ITPR2: variants seen among roughly 807,000 people sequenced by gnomAD.
ITPR2 encodes the protein inositol 1,4,5-trisphosphate receptor type 2, also known as inositol 1,4,5-trisphosphate-gated calcium channel ITPR2.
In ITPR2, 207 loss-of-function variants were observed where a neutral mutation model predicts 317.1. That is an observed-to-expected ratio of 0.65 (90% CI 0.58 to 0.73). The LOEUF (loss-of-function observed/expected upper bound fraction) is 0.73. Among genes scored for constraint, ITPR2 ranks in the 30% least tolerant of loss-of-function variants. The probability of loss-of-function intolerance (pLI) is 0.00; values close to 1 mark genes in which losing one functional copy is unlikely to be tolerated. For missense variants in ITPR2, 2,613 were observed against 3,284.0 expected, an observed-to-expected ratio of 0.80 and a Z score of 4.99; for synonymous variants, 1,156 against 1,149.1, an observed-to-expected ratio of 1.01 and a Z score of -0.12.
At chr12:26,468,409 A>G (rs984231043) in intron 45 of ITPR2, among the ~76,000 whole-genome samples, 2 of 152,204 alleles carry the variant, frequency 1.3e-5, no homozygotes, top group African/African-American at 4.8e-5. Flanking sequence ...ATGGACTGCC[A>G]GAATGCTATT....
intron 55 of ITPR2, among the ~76,000 whole-genome samples, chr12:26,373,356 T>C (rs1025549644): frequency 6.6e-6 from 1 of 152,236 alleles, no homozygotes; most frequent in South Asian, 2.1e-4. Flanking sequence ...GCCTACCTAG[T>C]GCATCCAGGA....
intron 36 of ITPR2, among the ~76,000 whole-genome samples, chr12:26,553,642 G>A (rs1186607191): frequency 6.6e-6 from 1 of 152,048 alleles, no homozygotes; most frequent in Non-Finnish European, 1.5e-5. Flanking sequence ...AAAATTAGCT[G>A]GGCTTGGTGG....
Position 26,826,230 on chromosome 12 carries a change from G to GA in ITPR2, c.92+6459dup, listed in dbSNP as rs74261566. On this transcript the variant is annotated intron_variant, in intron 1 of 56. Coordinates refer to ENST00000381340, the MANE Select transcript of ITPR2 (RefSeq NM_002223.4). ...GCAGTGAGCTGTGGTCAAGCCTCAA[G>GA]AAAAAAAAAAAAAGTCCTATTGAGG... Among the ~76,000 whole-genome samples, 179 of 102,652 alleles carry GA rather than the reference G, an allele frequency of 1.7e-3. 1 individual carries two copies. Among genetic ancestry groups the GA allele is most frequent in the African/African-American group, 1.9e-3 (52 of 26,700 alleles). 67.3% of individuals were successfully genotyped at this position (102,652 alleles called of 152,430 possible).
intron 41 of ITPR2, 144 bp from the exon 42 acceptor site, chr12:26,484,042 G>A (rs1942603657): frequency 1.5e-6 from 1 of 668,812 alleles, no homozygotes; most frequent in Non-Finnish European, 2.5e-6. Flanking sequence ...CACTTAAGGA[G>A]GGAGAAACGC....
chr12:26,659,083 GA>G, intron 16 of ITPR2, 29 bp downstream of exon 16: 1 of 1,565,446 alleles, frequency 6.4e-7, no homozygotes, highest in Non-Finnish European at 8.7e-7. Context: ...ATCTCCACTA[GA>G]AAAGAATACC....
At chr12:26,494,884 G>A (rs1378468597) in intron 38 of ITPR2, among the ~76,000 whole-genome samples, 1 of 146,962 alleles carries the variant, frequency 6.8e-6, no homozygotes, top group Non-Finnish European at 1.5e-5. Context: ...CTTAAAAACA[G>A]AAAGAGAAAA....
intron 2 of ITPR2, among the ~76,000 whole-genome samples, chr12:26,772,434 ACATGTAT>A (rs1217054853): frequency 1.6e-5 from 2 of 122,074 alleles, no homozygotes; most frequent in Non-Finnish European, 3.4e-5. Context: ...TATATATAAT[ACATGTAT>A]TATATATATT....
chr12:26,580,135 G>T lies in ITPR2; in HGVS notation c.4401C>A (p.Asp1467Glu), dbSNP rs376078600. ...CCAAAAAGATGTCTGCATGTTTCCT[G>T]TCTGTAGTTGTGTTGCAAACCTGGA... ...DMARVCNTTT[D>E]RKHADIFLEK... is the part of the protein sequence containing the mutation. The change falls in exon 33 of 57, where the codon GAC becomes GAA. Residue 1467 changes from aspartate (D) to glutamate (E), a missense_variant. Physicochemically the swap from Asp to Glu is conservative, Grantham distance 45. Coordinates refer to ENST00000381340, the MANE Select transcript of ITPR2 (RefSeq NM_002223.4). The T allele has an allele frequency of 6.2e-6, 10 of 1,611,388 alleles. No homozygotes were observed. Among genetic ancestry groups the T allele is most frequent in the Non-Finnish European group, 8.5e-6 (10 of 1,178,364 alleles).
At chr12:26,426,621 T>C (rs954718709) in intron 49 of ITPR2, among the ~76,000 whole-genome samples, 7 of 152,126 alleles carry the variant, frequency 4.6e-5, no homozygotes, top group Non-Finnish European at 8.8e-5. Context: ...TTCCCTTTAT[T>C]GACAATGATT....
At chr12:26,670,325 A>G (rs1412986426) in intron 13 of ITPR2, among the ~76,000 whole-genome samples, 1 of 152,174 alleles carries the variant, frequency 6.6e-6, no homozygotes, top group African/African-American at 2.4e-5. Context: ...GACACTTCAC[A>G]CGGCCGGGTA....
intron 32 of ITPR2, among the ~76,000 whole-genome samples, chr12:26,585,704 C>T (rs1945509549): frequency 6.6e-6 from 1 of 152,118 alleles, no homozygotes; most frequent in Non-Finnish European, 1.5e-5. Flanking sequence ...TACACCCGAC[C>T]CTTTATAGCA....
In ITPR2 at chr12:26,403,539, G is replaced by T. The variant is rs539596428; in HGVS notation, c.7400-3281C>A. Among the ~76,000 whole-genome samples the T allele has an allele frequency of 1.3e-4, 20 of 152,274 alleles. No homozygotes were observed. The South Asian group carries it at 4.2e-3, about 32-fold the overall frequency. On this transcript the variant is annotated intron_variant, in intron 52 of 56. Coordinates refer to ENST00000381340, the MANE Select transcript of ITPR2 (RefSeq NM_002223.4). ...AGGCTGAAGGGGGAATGTCATGTGA[G>T]CCCAAAAGTTGGAGACTGCAGTGAG...
intron 45 of ITPR2, among the ~76,000 whole-genome samples, chr12:26,461,503 T>C (rs899428200): frequency 1.4e-4 from 21 of 151,930 alleles, no homozygotes; most frequent in Middle Eastern, 3.4e-3. Flanking sequence ...ACAGAGACAG[T>C]ATAACCTGAA....
chr12:26,702,414 G>GGTGGGGTTTTTTTTTTTTTTTTTTTTTTT (rs1948462255), intron 9 of ITPR2, among the ~76,000 whole-genome samples: 1 of 108,152 alleles, frequency 9.2e-6, no homozygotes, highest in Non-Finnish European at 1.9e-5. Context: ...GGGGTGGGGG[G>GGTGGGGTTTTTTTTTTTTTTTTTTTTTTT]TTGGTGTTTT....
intron 25 of ITPR2, among the ~76,000 whole-genome samples, chr12:26,621,762 T>C (rs1451664262): frequency 6.6e-6 from 1 of 152,202 alleles, no homozygotes; most frequent in African/African-American, 2.4e-5. Flanking sequence ...GTGAAACATA[T>C]GTAAGCACTT....
rs1308957478 is a variant in ITPR2 at position 26,715,790 on chromosome 12, T to C, written c.670A>G (p.Met224Val). The change falls in exon 7 of 57, where the codon ATG (methionine) becomes GTG (valine). Residue 224 changes from methionine (M) to valine (V), a missense_variant. By Grantham distance (21) the Met-to-Val change is conservative (BLOSUM62 1). Around this residue, in one of 9 missense-constraint regions of ITPR2, gnomAD observed 515 missense variants for 789.4 expected, o/e 0.65. Coordinates refer to ENST00000381340, the MANE Select transcript of ITPR2 (RefSeq NM_002223.4). ...TCCTCTCGATAGGAACTATATTTCA[T>C]GAATAAAGTGATTTTCCAGCTGGTG... ...CNTSWKITLF[M>V]KYSSYREDVL... 1.9e-6 allele frequency: 3 copies of C among 1,609,998 alleles called. No homozygotes were observed. The highest frequency in any genetic ancestry group is 1.7e-4 in the Middle Eastern group (1 of 6,044).
chr12:26,748,665 G>A (rs1310757494), intron 2 of ITPR2, among the ~76,000 whole-genome samples: 2 of 152,192 alleles, frequency 1.3e-5, no homozygotes, highest in Non-Finnish European at 2.9e-5. Context: ...GTCTTAGTGA[G>A]AATTATGATG....
intron 35 of ITPR2, among the ~76,000 whole-genome samples, chr12:26,561,436 C>T (rs944258868): frequency 6.6e-6 from 1 of 152,114 alleles, no homozygotes; most frequent in Non-Finnish European, 1.5e-5. Context: ...GAAGGGAATA[C>T]TAAAACATAA....
At chr12:26,569,162 G>A (rs755543414) in intron 34 of ITPR2, among the ~76,000 whole-genome samples, 1 of 151,710 alleles carries the variant, frequency 6.6e-6, no homozygotes, top group Non-Finnish European at 1.5e-5. Context: ...GACTGATAAG[G>A]GCTATTCCGA....
Sources: gnomAD v4.1 joint callset for allele counts (sites outside exome capture counted in the v4.1 genomes callset) on GRCh38, gnomAD v4.1.1 for gene constraint, gnomAD v4.1.1 regional missense constraint, MANE v1.5 for transcripts, NCBI Gene and HGNC (gene_info 2026-07-23, HGNC 2026-07-21) for gene names.